RNFT2: variants seen among roughly 807,000 people sequenced by gnomAD.
RNFT2 encodes the protein E3 ubiquitin-protein ligase RNFT2.
RNFT2 carries 36 observed loss-of-function variants against 53.0 expected under a neutral mutation model. The ratio of observed to expected loss-of-function variants is 0.68; its 90% CI spans 0.52 to 0.90. The LOEUF is 0.90. RNFT2 is among the 40% of genes least tolerant of loss of function. RNFT2 has a pLI of 0.00. For synonymous variants in RNFT2, 260 were observed against 253.2 expected (o/e 1.03, Z -0.26); for missense variants, 514 against 585.6 (o/e 0.88, Z 1.26).
At chr12:116,743,675 G>C (rs979913879) in intron 3 of RNFT2, among the ~76,000 whole-genome samples, 3 of 152,140 alleles carry the variant, frequency 2.0e-5, no homozygotes, top group Non-Finnish European at 2.9e-5. Context: ...TACATCCAAG[G>C]GGCGGGCAGC....
intron 10 of RNFT2, among the ~76,000 whole-genome samples, chr12:116,842,486 G>A (rs897308466): frequency 7.2e-5 from 11 of 152,188 alleles, no homozygotes; most frequent in Non-Finnish European, 1.3e-4. Flanking sequence ...TCTGTTTGCT[G>A]TTATGAGACT....
chr12:116,759,802 T>C (rs1230334665), intron 5 of RNFT2, among the ~76,000 whole-genome samples: 4 of 152,018 alleles, frequency 2.6e-5, no homozygotes, highest in Non-Finnish European at 5.9e-5. Context: ...GTTCTTAGCT[T>C]TGGTGGTTTA....
intron 5 of RNFT2, among the ~76,000 whole-genome samples, chr12:116,761,221 G>A (rs1433673361): frequency 6.6e-6 from 1 of 151,916 alleles, no homozygotes; most frequent in Non-Finnish European, 1.5e-5. Context: ...TGATCTTGGC[G>A]CACTGTAACC....
chr12:116,815,274 T>C lies in RNFT2; in HGVS notation c.883-18518T>C, dbSNP rs962582011. Among the ~76,000 whole-genome samples the C allele has an allele frequency of 4.6e-5, 7 of 152,194 alleles. No individual in the cohort carries two copies. The East Asian group carries it at 1.3e-3, about 29-fold the overall frequency. ...CACTACCCTCATGACAGTCTAACTATTTCTTCTCTGTGTTAGCTTCCTGTG... is the reference window on the plus strand; with the variant it reads ...CACTACCCTCATGACAGTCTAACTACTTCTTCTCTGTGTTAGCTTCCTGTG... On this transcript the variant is annotated intron_variant, in intron 7 of 10. Coordinates refer to ENST00000257575, the MANE Select transcript of RNFT2 (RefSeq NM_001382266.1).
chr12:116,849,553 C>G lies in RNFT2; in HGVS notation c.*105C>G. On this transcript the variant is annotated 3_prime_UTR_variant, in exon 11 of 11. Coordinates refer to ENST00000257575, the MANE Select transcript of RNFT2 (RefSeq NM_001382266.1). Reference sequence around the variant, plus strand: ...CAGGCCTCAAGCACTTACATCCTGCCTCTTGCCCTCCACCACCTCTGACCC... The same window carrying G: ...CAGGCCTCAAGCACTTACATCCTGCGTCTTGCCCTCCACCACCTCTGACCC... 1 of 1,443,268 alleles carries G rather than the reference C, an allele frequency of 6.9e-7. No homozygotes were observed. The highest frequency in any genetic ancestry group is 2.5e-5 in the East Asian group (1 of 39,756). 89.4% of individuals were successfully genotyped at this position (1,443,268 alleles called of 1,614,324 possible).
At chr12:116,740,980 C>A in intron 2 of RNFT2, 56 bp from the exon 3 acceptor site, 3 of 1,488,782 alleles carry the variant, frequency 2.0e-6, no homozygotes, top group Non-Finnish European at 1.9e-6. Context: ...CCTTGGCAAT[C>A]TGACAGGCAG....
At chr12:116,822,863 G>A (rs1876118828) in intron 7 of RNFT2, among the ~76,000 whole-genome samples, 1 of 152,148 alleles carries the variant, frequency 6.6e-6, no homozygotes, top group Non-Finnish European at 1.5e-5. Flanking sequence ...CAGCCATGGT[G>A]GTGCACGCCT....
intron 6 of RNFT2, among the ~76,000 whole-genome samples, chr12:116,768,488 G>C (rs1873019601): frequency 6.6e-6 from 1 of 152,134 alleles, no homozygotes; most frequent in Non-Finnish European, 1.5e-5. Flanking sequence ...GTCCCATAAG[G>C]TTATAATGGA....
chr12:116,758,006 A>C (rs1486004393), intron 5 of RNFT2, among the ~76,000 whole-genome samples: 2 of 152,168 alleles, frequency 1.3e-5, no homozygotes, highest in Non-Finnish European at 2.9e-5. Context: ...TGGGAGCTCC[A>C]GTGTTAGGTG....
intron 7 of RNFT2, among the ~76,000 whole-genome samples, chr12:116,814,173 C>T (rs987244924): frequency 6.6e-6 from 1 of 152,160 alleles, no homozygotes; most frequent in East Asian, 1.9e-4. Flanking sequence ...CAGCCACTGT[C>T]CTAGGCACTT....
chr12:116,841,063 A>T (rs4767460), intron 10 of RNFT2, among the ~76,000 whole-genome samples: 139,006 of 152,242 alleles, frequency 0.91, 63,555 homozygotes, highest in Admixed American at 0.95. Context: ...AGATGCTTTT[A>T]GTATCAGTTA....
At chr12:116,822,315 C>T (rs1592979668) in intron 7 of RNFT2, among the ~76,000 whole-genome samples, 1 of 151,918 alleles carries the variant, frequency 6.6e-6, no homozygotes, top group Non-Finnish European at 1.5e-5. Flanking sequence ...GGCAAATGGC[C>T]CCAGGAGAAA....
chr12:116,816,189 C>T (rs1051844243), intron 7 of RNFT2, among the ~76,000 whole-genome samples: 8 of 152,204 alleles, frequency 5.3e-5, no homozygotes, highest in Non-Finnish European at 1.0e-4. Context: ...AATTAGGCCT[C>T]TCCTGGGTAC....
At chr12:116,774,789 G>A (rs1419539466) in intron 6 of RNFT2, among the ~76,000 whole-genome samples, 1 of 150,550 alleles carries the variant, frequency 6.6e-6, no homozygotes, top group Non-Finnish European at 1.5e-5. Context: ...GGTGGAGGGT[G>A]GAGGGGATGG....
intron 7 of RNFT2, among the ~76,000 whole-genome samples, chr12:116,818,047 T>C (rs747780143): frequency 1.1e-4 from 16 of 152,354 alleles, no homozygotes; most frequent in Admixed American, 2.0e-4. Flanking sequence ...AAGGGCTTTC[T>C]CTGTGGGATG....
intron 7 of RNFT2, among the ~76,000 whole-genome samples, chr12:116,827,511 G>A (rs1037279716): frequency 3.9e-5 from 6 of 152,210 alleles, no homozygotes; most frequent in Admixed American, 1.3e-4. Context: ...AATCCCCATC[G>A]TGACTTATCT....
chr12:116,806,484 C>T (rs1875085884), intron 7 of RNFT2, among the ~76,000 whole-genome samples: 1 of 151,472 alleles, frequency 6.6e-6, no homozygotes, highest in Non-Finnish European at 1.5e-5. Flanking sequence ...TTGTTATGGC[C>T]AGGCACAGTG....
chr12:116,798,042 C>G (rs961399606), intron 7 of RNFT2, among the ~76,000 whole-genome samples: 2 of 152,162 alleles, frequency 1.3e-5, no homozygotes, highest in African/African-American at 2.4e-5. Context: ...AGCCCCATCT[C>G]TGGAGTCAAG....
chr12:116,845,866 C>T (rs1439584551), intron 10 of RNFT2, among the ~76,000 whole-genome samples: 2 of 152,174 alleles, frequency 1.3e-5, no homozygotes, highest in Non-Finnish European at 2.9e-5. Context: ...AAACATCTTC[C>T]TATCTCAGGA....
Sources: allele counts gnomAD v4.1 joint callset (sites outside exome capture counted in the v4.1 genomes callset), GRCh38; gene constraint gnomAD v4.1.1; transcripts MANE v1.5; gene names NCBI Gene and HGNC (gene_info 2026-07-23, HGNC 2026-07-21).